The following SLIT2 variants were observed in gnomAD, a reference collection of about 807,000 sequenced individuals.
The protein encoded by SLIT2 is slit homolog 2 protein.
SLIT2 carries 41 observed loss-of-function variants against 185.7 expected under a neutral mutation model. That is an observed-to-expected ratio of 0.22 (90% confidence interval 0.17 to 0.29). The LOEUF is 0.29. SLIT2 is among the 10% of genes least tolerant of loss of function. The pLI, the probability that SLIT2 is intolerant of heterozygous loss-of-function variation, is 1.00. For synonymous variants in SLIT2, 693 were observed against 680.2 expected, an observed-to-expected ratio of 1.02 and a Z score of -0.29; for missense variants, 1,571 against 1,909.0, an observed-to-expected ratio of 0.82 and a Z score of 3.30.
At chr4:20,388,841 A>G (rs924866164) in intron 4 of SLIT2, among the ~76,000 whole-genome samples, 1 of 145,988 alleles carries the variant, frequency 6.8e-6, no homozygotes, top group East Asian at 2.0e-4. Flanking sequence ...TATAATATAT[A>G]TAAAATATGT....
intron 4 of SLIT2, among the ~76,000 whole-genome samples, chr4:20,398,321 G>A (rs1380542762): frequency 1.3e-5 from 2 of 151,820 alleles, no homozygotes; most frequent in Non-Finnish European, 2.9e-5. Context: ...CTTTGCATTT[G>A]ATTTGGCCTT....
chr4:20,425,197 T>G (rs979218286), intron 4 of SLIT2, among the ~76,000 whole-genome samples: 11 of 152,160 alleles, frequency 7.2e-5, no homozygotes, highest in East Asian at 3.8e-4. Context: ...TTAATGACTT[T>G]GTATTTAAAC....
At chr4:20,331,028 C>T (rs893126994) in intron 4 of SLIT2, among the ~76,000 whole-genome samples, 7 of 152,002 alleles carry the variant, frequency 4.6e-5, no homozygotes, top group East Asian at 1.9e-4. Flanking sequence ...ACTAAATTTC[C>T]GTATCTAACA....
chr4:20,612,378 G>C (rs1223043881), intron 34 of SLIT2, among the ~76,000 whole-genome samples: 2 of 149,500 alleles, frequency 1.3e-5, no homozygotes, highest in Non-Finnish European at 2.9e-5. Context: ...TCTGAAGGTA[G>C]AGGGCCTGGA....
At chr4:20,583,092 G>A (rs886655110) in intron 29 of SLIT2, among the ~76,000 whole-genome samples, 2 of 152,154 alleles carry the variant, frequency 1.3e-5, no homozygotes, top group African/African-American at 2.4e-5. Context: ...TAACAGTGGG[G>A]AACTGAAACC....
chr4:20,384,987 T>C lies in SLIT2; in HGVS notation c.396-82765T>C, dbSNP rs571626266. 5.7e-4 allele frequency among the ~76,000 whole-genome samples: 87 copies of C among 152,308 alleles called. No individual in the cohort carries two copies. In the South Asian group the frequency reaches 0.015, roughly 25 times the overall value. ...AGAATGCAAAAGAACTTCCAAAATC[T>C]TTACAGTCATTCTGCTGGTCTGTCT... On this transcript the variant is annotated intron_variant, in intron 4 of 36. Coordinates refer to ENST00000504154, the MANE Select transcript of SLIT2 (RefSeq NM_004787.4).
intron 33 of SLIT2, among the ~76,000 whole-genome samples, chr4:20,607,978 G>T (rs2148976383): frequency 6.6e-6 from 1 of 152,148 alleles, no homozygotes; most frequent in African/African-American, 2.4e-5. Flanking sequence ...CAAAGAAGTT[G>T]TTATATTTCT....
At chr4:20,387,910 G>A (rs1725057058) in intron 4 of SLIT2, among the ~76,000 whole-genome samples, 1 of 152,034 alleles carries the variant, frequency 6.6e-6, no homozygotes, top group African/African-American at 2.4e-5. Flanking sequence ...AAGAGGTGTT[G>A]TTTTAAGCCA....
In SLIT2 at chr4:20,402,505, C is replaced by T. The variant is rs191442461; in HGVS notation, c.396-65247C>T. On this transcript the variant is annotated intron_variant, in intron 4 of 36. Coordinates refer to ENST00000504154, the MANE Select transcript of SLIT2 (RefSeq NM_004787.4). ...TAGTACTTTGTAAGTTGTCTATATT[C>T]AGTTATTTAACTGAGTATATTACCT... 9.7e-4 allele frequency among the ~76,000 whole-genome samples: 148 copies of T among 151,830 alleles called. 1 individual carries two copies. Among genetic ancestry groups the T allele is most frequent in the African/African-American group, 3.3e-3 (137 of 41,444 alleles).
At chr4:20,555,870 T>A (rs1724212775) in intron 26 of SLIT2, among the ~76,000 whole-genome samples, 1 of 151,972 alleles carries the variant, frequency 6.6e-6, no homozygotes, top group African/African-American at 2.4e-5. Flanking sequence ...TTAAACTGTA[T>A]TTTCTCCTTG....
chr4:20,546,113 T>C lies in SLIT2; in HGVS notation c.2345+14T>C. The C allele has an allele frequency of 6.8e-7, 1 of 1,475,886 alleles. No individual in the cohort carries two copies. Among genetic ancestry groups the C allele is most frequent in the South Asian group, 1.2e-5 (1 of 80,450 alleles). The allele number at this position is 1,475,886 out of a possible 1,614,324, so 91.4% of individuals were successfully genotyped here. Reference sequence around the variant, plus strand: ...TTTAACACTTATGTGAGTAACATATTGCACTTTTCTTTGACTTACTCTATT... The same window carrying C: ...TTTAACACTTATGTGAGTAACATATCGCACTTTTCTTTGACTTACTCTATT... On this transcript the variant is annotated intron_variant, in intron 22 of 36. Coordinates refer to ENST00000504154, the MANE Select transcript of SLIT2 (RefSeq NM_004787.4).
At chr4:20,581,240 A>C (rs1038721707) in intron 29 of SLIT2, among the ~76,000 whole-genome samples, 1 of 152,150 alleles carries the variant, frequency 6.6e-6, no homozygotes, top group African/African-American at 2.4e-5. Flanking sequence ...TCTTCCCTCT[A>C]TGCCTGTCTT....
chr4:20,402,691 C>T (rs962249678), intron 4 of SLIT2, among the ~76,000 whole-genome samples: 1 of 151,706 alleles, frequency 6.6e-6, no homozygotes, highest in Non-Finnish European at 1.5e-5. Context: ...ATACTTCCTA[C>T]CCTACACAAT....
At chr4:20,415,878 G>A (rs1427882489) in intron 4 of SLIT2, among the ~76,000 whole-genome samples, 1 of 152,104 alleles carries the variant, frequency 6.6e-6, no homozygotes, top group Non-Finnish European at 1.5e-5. Flanking sequence ...ATAAAATTAT[G>A]TTCCAGACTG....
At chr4:20,472,509 T>G (rs1170628867) in intron 5 of SLIT2, among the ~76,000 whole-genome samples, 1 of 20,214 alleles carries the variant, frequency 4.9e-5, no homozygotes, top group African/African-American at 3.4e-4. Context: ...TATCTATATA[T>G]AGATAGATAT....
intron 4 of SLIT2, among the ~76,000 whole-genome samples, chr4:20,284,985 G>C (rs1187386205): frequency 1.3e-5 from 2 of 152,198 alleles, no homozygotes; most frequent in African/African-American, 4.8e-5. Flanking sequence ...TGCCATTCTA[G>C]GGCATGTACT....
At chr4:20,257,132 G>T (rs1455049509) in intron 2 of SLIT2, among the ~76,000 whole-genome samples, 4 of 152,006 alleles carry the variant, frequency 2.6e-5, no homozygotes, top group Admixed American at 2.6e-4. Flanking sequence ...GATAACAAAA[G>T]GATTCTTATT....
intron 7 of SLIT2, among the ~76,000 whole-genome samples, chr4:20,487,375 T>A (rs867521576): frequency 3.2e-4 from 49 of 152,286 alleles, no homozygotes; most frequent in Middle Eastern, 3.4e-3. Context: ...GTATTTTTTT[T>A]AAAAAGAAAT....
intron 4 of SLIT2, among the ~76,000 whole-genome samples, chr4:20,322,936 T>C (rs906630859): frequency 1.3e-5 from 2 of 152,116 alleles, no homozygotes; most frequent in African/African-American, 2.4e-5. Flanking sequence ...TCTACATCAG[T>C]GGATTAGTTG....
Sources: gnomAD v4.1 joint callset for allele counts (sites outside exome capture counted in the v4.1 genomes callset) on GRCh38, gnomAD v4.1.1 for gene constraint, MANE v1.5 for transcripts, NCBI Gene and HGNC (gene_info 2026-07-23, HGNC 2026-07-21) for gene names.